RAD50: variants seen among roughly 807,000 people sequenced by gnomAD.
RAD50 encodes the protein RAD50 double strand break repair protein, also known as DNA repair protein RAD50.
In RAD50, 132 loss-of-function variants were observed where a neutral mutation model predicts 168.8. The observed-to-expected ratio is 0.78, with a 90% CI of 0.68 to 0.90. The LOEUF (loss-of-function observed/expected upper bound fraction) is 0.90. Among genes scored for constraint, RAD50 ranks in the 40% least tolerant of loss-of-function variants. The pLI, the probability that RAD50 is intolerant of heterozygous loss-of-function variation, is 0.00. For synonymous variants in RAD50, 525 were observed against 497.4 expected (o/e 1.06, Z -0.74); for missense variants, 1,347 against 1,534.4 (o/e 0.88, Z 2.04).
chr5:132,601,689 C>T (rs995305737), intron 13 of RAD50, among the ~76,000 whole-genome samples: 3 of 151,998 alleles, frequency 2.0e-5, no homozygotes, highest in Non-Finnish European at 2.9e-5. Context: ...ATGTTTATTG[C>T]GGCACTGTTC....
At position 132,642,984 on chromosome 5, in the gene RAD50, TCTC is replaced by T. The variant is rs1176238556; in HGVS notation, c.*623_*625del. The T allele has an allele frequency of 1.9e-6, 1 of 525,464 alleles. No individual in the cohort carries two copies. Among genetic ancestry groups the T allele is most frequent in the Non-Finnish European group, 3.9e-6 (1 of 259,738 alleles). 32.6% of individuals were successfully genotyped at this position (525,464 alleles called of 1,614,324 possible). On this transcript the variant is annotated 3_prime_UTR_variant, in exon 25 of 25. Coordinates refer to ENST00000378823, the MANE Select transcript of RAD50 (RefSeq NM_005732.4). ...TCTAAGTCAGTACCCACCACCTTCTTCTCCTACATATCCCTTCCAGATGGTCAT... is the reference window on the plus strand; with the variant it reads ...TCTAAGTCAGTACCCACCACCTTCTTCTACATATCCCTTCCAGATGGTCAT...
intron 3 of RAD50, among the ~76,000 whole-genome samples, chr5:132,576,495 A>G (rs1750402528): frequency 1.3e-5 from 2 of 152,190 alleles, no homozygotes. Flanking sequence ...TTGACTATTC[A>G]GCTTCTTCTC....
Position 132,603,525 on chromosome 5 carries a change from G to C in RAD50, c.2397+36G>C, listed in dbSNP as rs565405862. The C allele has an allele frequency of 6.9e-6, 11 of 1,588,120 alleles. No individual in the cohort carries two copies. The East Asian group carries it at 2.2e-4, about 32-fold the overall frequency. ...TGTAGTTTAAGGCAGAATAAAACTT[G>C]TTCCATGGTGGCTTGAATTTGAAGT... On this transcript the variant is annotated intron_variant, in intron 14 of 24. Coordinates refer to ENST00000378823, the MANE Select transcript of RAD50 (RefSeq NM_005732.4).
chr5:132,608,566 G>T, intron 16 of RAD50, 49 bp from the exon 17 acceptor site: 1 of 1,430,954 alleles, frequency 7.0e-7, no homozygotes, highest in Non-Finnish European at 9.4e-7. Context: ...GACCCCTAAA[G>T]TAAGATAATG....
intron 19 of RAD50, 152 bp downstream of exon 19, chr5:132,609,548 G>A (rs921088666): frequency 3.2e-5 from 40 of 1,253,532 alleles, no homozygotes; most frequent in Admixed American, 5.0e-5. Flanking sequence ...TTGGAAGGCC[G>A]AGGCGGGTGG....
In RAD50 at chr5:132,643,832, G is replaced by A. The variant is rs1187129993; in HGVS notation, c.*1468G>A. ...AGATATTTTTATCCCAAGAATGCAA[G>A]ATTTCAGAAAATGAAAAATCTGTTG... On this transcript the variant is annotated 3_prime_UTR_variant, in exon 25 of 25. Transcript: ENST00000378823. 4.3e-6 allele frequency: 1 copy of A among 230,892 alleles called. No individual in the cohort carries two copies. Among genetic ancestry groups the A allele is most frequent in the African/African-American group, 2.2e-5 (1 of 45,130 alleles). 14.3% of individuals were successfully genotyped at this position (230,892 alleles called of 1,614,324 possible).
rs541298182 is a variant in RAD50 at position 132,610,189 on chromosome 5, A to T, written c.3036+793A>T. Among the ~76,000 whole-genome samples the T allele has an allele frequency of 1.7e-3, 266 of 152,288 alleles. 1 individual carries two copies. The highest frequency in any genetic ancestry group is 6.2e-3 in the African/African-American group (256 of 41,588). On this transcript the variant is annotated intron_variant, in intron 19 of 24. Transcript: ENST00000378823. Reference sequence around the variant, plus strand: ...AAATAGTCCATTTTGTGTATATACCAGCACTTACTCAGATTGATTTCATTT... The same window carrying T: ...AAATAGTCCATTTTGTGTATATACCTGCACTTACTCAGATTGATTTCATTT...
intron 20 of RAD50, among the ~76,000 whole-genome samples, chr5:132,616,912 A>G (rs1751187290): frequency 1.3e-5 from 2 of 152,208 alleles, no homozygotes; most frequent in African/African-American, 4.8e-5. Flanking sequence ...AGTAAAGTGA[A>G]TTTTAATTTA....
At chr5:132,592,885 G>A in intron 11 of RAD50, 1 of 470,982 alleles carries the variant, frequency 2.1e-6, no homozygotes, top group Non-Finnish European at 4.4e-6. Flanking sequence ...TCTGGAAGCA[G>A]TGATTTTGGG....
chr5:132,561,032 T>C (rs1317430486), intron 2 of RAD50, among the ~76,000 whole-genome samples: 1 of 151,986 alleles, frequency 6.6e-6, no homozygotes, highest in South Asian at 2.1e-4. Context: ...CCAGATAGAG[T>C]GGTCAGTTTC....
In RAD50 at chr5:132,588,808, AC is replaced by A. The variant is rs876660039; in HGVS notation, c.1174del (p.Gln392ArgfsTer9). ...TTGAGCGTGGACCATTCAGTGAAAG[AC>A]AGATTAAAAATTTTCACAAACTTGT... ...GFERGPFSER[Q>X]IKNFHKLVRE... On this transcript the variant is annotated frameshift_variant, in exon 8 of 25. Coordinates refer to ENST00000378823, the MANE Select transcript of RAD50 (RefSeq NM_005732.4). LOFTEE classifies it high-confidence loss of function. 6.2e-7 allele frequency: 1 copy of A among 1,614,110 alleles called. No homozygotes were observed.
intron 20 of RAD50, among the ~76,000 whole-genome samples, chr5:132,617,497 A>G (rs988902299): frequency 2.6e-5 from 4 of 152,230 alleles, no homozygotes; most frequent in African/African-American, 9.6e-5. Context: ...TGAAATTTGT[A>G]TAATCTGCCA....
rs370608517 is a variant in RAD50, at chr5:132,591,212, A to G, written c.1453-12A>G. 1 of 1,597,424 alleles carries G rather than the reference A, an allele frequency of 6.3e-7. No individual in the cohort carries two copies. Among genetic ancestry groups the G allele is most frequent in the African/African-American group, 1.3e-5 (1 of 74,644 alleles). ...ATATAACACCTTTGCATTTGTATGA[A>G]TTATTGACTAGGAACGTGAGTTAAG... On this transcript the variant is annotated splice_polypyrimidine_tract_variant and intron_variant, in intron 9 of 24. Coordinates refer to ENST00000378823, the MANE Select transcript of RAD50 (RefSeq NM_005732.4).
At chr5:132,622,843 C>G (rs1581012041) in intron 21 of RAD50, among the ~76,000 whole-genome samples, 1 of 151,056 alleles carries the variant, frequency 6.6e-6, no homozygotes, top group East Asian at 2.0e-4. Flanking sequence ...TGTAGAGGTC[C>G]ATCTACACAG....
rs1192098648 is a variant in RAD50, at chr5:132,603,964, T to C, written c.2442T>C (p.Ala814=). 2.5e-6 allele frequency: 4 copies of C among 1,612,184 alleles called. No individual in the cohort carries two copies. The highest frequency in any genetic ancestry group is 1.1e-5 in the South Asian group (1 of 91,046). ...DVERKIAQQA[A]KLQGIDLDRT... ...AAAGAAAAATTGCACAACAAGCAGC[T>C]AAGCTACAAGGAATAGACTTAGATC... The change falls in exon 15 of 25, where the codon GCT becomes GCC. Residue 814 remains alanine, a synonymous_variant. Coordinates refer to ENST00000378823, the MANE Select transcript of RAD50 (RefSeq NM_005732.4).
chr5:132,601,089 C>T (rs548330806), intron 13 of RAD50, among the ~76,000 whole-genome samples: 4 of 152,312 alleles, frequency 2.6e-5, no homozygotes, highest in Admixed American at 1.3e-4. Flanking sequence ...CTCCACCTCC[C>T]GGGTTTAAGC....
Position 132,643,883 on chromosome 5 carries a change from G to A in RAD50, c.*1519G>A, listed in dbSNP as rs573775281. 3.0e-5 allele frequency: 7 copies of A among 231,184 alleles called. No homozygotes were observed. The South Asian group carries it at 7.3e-4, about 24-fold the overall frequency. The allele number at this position is 231,184 out of a possible 1,614,324, so 14.3% of individuals were successfully genotyped here. ...ATAAATCCATCACTATAATAAAACC[G>A]AAGGTGAAAAAAATTCTGAAAAAAT... On this transcript the variant is annotated 3_prime_UTR_variant, in exon 25 of 25. Transcript: ENST00000378823.
At chr5:132,562,395 G>A (rs889805146) in intron 2 of RAD50, among the ~76,000 whole-genome samples, 1 of 152,146 alleles carries the variant, frequency 6.6e-6, no homozygotes, top group Non-Finnish European at 1.5e-5. Flanking sequence ...CTTCATTAAG[G>A]TAGTGGTAGA....
At chr5:132,635,879 A>T (rs779519272) in intron 21 of RAD50, among the ~76,000 whole-genome samples, 4 of 152,154 alleles carry the variant, frequency 2.6e-5, no homozygotes, top group Non-Finnish European at 5.9e-5. Context: ...GGCTGAGATA[A>T]ATGTATAAGG....
Sources: allele counts gnomAD v4.1 joint callset (sites outside exome capture counted in the v4.1 genomes callset), GRCh38; gene constraint gnomAD v4.1.1; transcripts MANE v1.5; gene names NCBI Gene and HGNC (gene_info 2026-07-23, HGNC 2026-07-21).